Variants in KRT9 observed in about 807,000 individuals in gnomAD.
The protein encoded by KRT9 is keratin, type I cytoskeletal 9.
In KRT9, 34 loss-of-function variants were observed where a neutral mutation model predicts 51.4. The observed-to-expected ratio is 0.66, with a 90% CI of 0.50 to 0.88. The LOEUF is 0.88. KRT9 is among the 40% of genes least tolerant of loss of function. The pLI is 0.00. For synonymous variants in KRT9, 292 were observed against 289.7 expected, an observed-to-expected ratio of 1.01 and a Z score of -0.08; for missense variants, 753 against 790.3, an observed-to-expected ratio of 0.95 and a Z score of 0.57.
chr17:41,571,415 C>G lies in KRT9; in HGVS notation c.578G>C (p.Gly193Ala), dbSNP rs142413684. The G allele has an allele frequency of 5.5e-5, 89 of 1,613,958 alleles. No homozygotes were observed. Among genetic ancestry groups the G allele is most frequent in the Admixed American group, 3.3e-5 (2 of 59,986 alleles). ...GTAGTTCTTCTGGATAGCAGCAGGTCCCTTCTTGTCGTACCAATCCTGGAT... is the reference window on the plus strand; with the variant it reads ...GTAGTTCTTCTGGATAGCAGCAGGTGCCTTCTTGTCGTACCAATCCTGGAT... ...NKIQDWYDKK[G>A]PAAIQKNYSP... Residue 193 changes from glycine to alanine, a missense_variant, in exon 1 of 8, where the codon GGA becomes GCA. By Grantham distance (60) the Gly-to-Ala change is moderately conservative. This residue lies in a region of KRT9 where 507 missense variants were observed against 563.7 expected (regional missense o/e 0.90). Coordinates refer to ENST00000246662, the MANE Select transcript of KRT9 (RefSeq NM_000226.4).
At position 41,571,789 on chromosome 17, in the gene KRT9, A is replaced by G; in HGVS notation, c.204T>C (p.Ser68=). Residue 68 remains serine (S), a synonymous_variant, in exon 1 of 8, where the codon AGT becomes AGC. Transcript: ENST00000246662. ...SRVCGRGGGG[S]FGYSYGGGSG... is the part of the protein sequence containing the mutation. ...ATCCTCCGCCGTAGCTGTAGCCAAA[A>G]CTGCCACCGCCTCCCCTCCCACAGA... The G allele has an allele frequency of 6.2e-7, 1 of 1,613,296 alleles. No individual in the cohort carries two copies. The highest frequency in any genetic ancestry group is 8.5e-7 in the Non-Finnish European group (1 of 1,179,692).
Position 41,571,484 on chromosome 17 carries a change from T to C in KRT9, c.509A>G (p.Lys170Arg), listed in dbSNP as rs1907074428. 1 of 1,613,886 alleles carries C rather than the reference T, an allele frequency of 6.2e-7. No homozygotes were observed. The highest frequency in any genetic ancestry group is 1.3e-5 in the African/African-American group (1 of 74,820). ...GTTGGCCTCCTCTAGAGCCTGCACCTTATCCAAGTAAGAGGCCAGCCGAGA... is the reference window on the plus strand; with the variant it reads ...GTTGGCCTCCTCTAGAGCCTGCACCCTATCCAAGTAAGAGGCCAGCCGAGA... ...LNSRLASYLD[K>R]VQALEEANND... The change falls in exon 1 of 8, where the codon AAG becomes AGG. Residue 170 changes from lysine to arginine, a missense_variant. By Grantham distance (26) the Lys-to-Arg change is conservative. Transcript: ENST00000246662.
At position 41,567,276 on chromosome 17, in the gene KRT9, G is replaced by A. The variant is rs749243428; in HGVS notation, c.1869C>T (p.Ser623=). The change falls in exon 7 of 8, where the codon TCC becomes TCT. Residue 623 remains serine (S), a synonymous_variant. Coordinates refer to ENST00000246662, the MANE Select transcript of KRT9 (RefSeq NM_000226.4). The part of the protein sequence containing the change: ...YGGGSGKSSH[S] ...CACCAGATTTTGAGGAAGAAGACTA[G>A]GAATGGGATGATTTTCCGCTTCCTC... 55 of 1,613,934 alleles carry A rather than the reference G, an allele frequency of 3.4e-5. No individual in the cohort carries two copies. Among genetic ancestry groups the A allele is most frequent in the Middle Eastern group, 3.3e-4 (2 of 6,084 alleles).
At chr17:41,567,204 C>T in intron 7 of KRT9, 29 bp downstream of exon 7, 2 of 1,613,146 alleles carry the variant, frequency 1.2e-6, no homozygotes, top group Admixed American at 1.7e-5. Flanking sequence ...CCTTGACTCT[C>T]CACCCCACAA....
Position 41,568,024 on chromosome 17 carries a change from C to G in KRT9, c.1394+138G>C, listed in dbSNP as rs937458015. ...CCCAAATGCACTGAGGTCCCCCCGG[C>G]CCCCAGGATGAAGAAGTCCTCAACC... On this transcript the variant is annotated intron_variant, in intron 6 of 7. Coordinates refer to ENST00000246662, the MANE Select transcript of KRT9 (RefSeq NM_000226.4). 18 of 953,298 alleles carry G rather than the reference C, an allele frequency of 1.9e-5. No homozygotes were observed. The Admixed American group carries it at 2.7e-4, about 14-fold the overall frequency. The allele number at this position is 953,298 out of a possible 1,614,324, so 59.1% of individuals were successfully genotyped here.
chr17:41,567,327 C>G lies in KRT9; in HGVS notation c.1818G>C (p.Ala606=), dbSNP rs372749478. 1 of 1,614,120 alleles carries G rather than the reference C, an allele frequency of 6.2e-7. No homozygotes were observed. The highest frequency in any genetic ancestry group is 1.1e-5 in the South Asian group (1 of 91,080). ...SGGSYGGGEE[A]SGSGGGYGGG... ...CTCCGTAGCCGCCACCACTTCCACTCGCTTCTTCACCGCCTCCGTAGCTGC... is the reference window on the plus strand; with the variant it reads ...CTCCGTAGCCGCCACCACTTCCACTGGCTTCTTCACCGCCTCCGTAGCTGC... Residue 606 remains alanine, a synonymous_variant, in exon 7 of 8, where the codon GCG becomes GCC. Transcript: ENST00000246662.
In KRT9 at chr17:41,570,324, T is replaced by G. The variant is rs2144571121; in HGVS notation, c.643-104A>C. 8 of 967,272 alleles carry G rather than the reference T, an allele frequency of 8.3e-6. No homozygotes were observed. The South Asian group carries it at 1.0e-4, about 12-fold the overall frequency. The allele number at this position is 967,272 out of a possible 1,614,324, so 59.9% of individuals were successfully genotyped here. ...GAGGTGAGGATTCCATCCAGGAAGA[T>G]TCTCAAGAGGAATGAGGAACTTCCA... On this transcript the variant is annotated intron_variant, in intron 1 of 7. Transcript: ENST00000246662.
intron 7 of KRT9, 116 bp from the exon 8 acceptor site, chr17:41,566,268 G>T (rs1906871200): frequency 6.5e-6 from 1 of 153,224 alleles, no homozygotes; most frequent in South Asian, 2.1e-4. Context: ...AGAGCTCAAA[G>T]AGCTGGACAA....
rs758900874 is a variant in KRT9 at position 41,568,202 on chromosome 17, C to T, written c.1354G>A (p.Glu452Lys). 10 of 1,614,006 alleles carry T rather than the reference C, an allele frequency of 6.2e-6. No homozygotes were observed. Among genetic ancestry groups the T allele is most frequent in the Admixed American group, 5.0e-5 (3 of 60,024 alleles). ...SIKMRLEKEIETYHNLLEGGQ... is the reference protein window; with the variant it reads ...SIKMRLEKEIKTYHNLLEGGQ... ...CCCTCAAGGAGGTTGTGGTAGGTCT[C>T]GATTTCCTTCTCCAGCCGCATCTTA... The change falls in exon 6 of 8, where the codon GAG (glutamate) becomes AAG (lysine). Residue 452 changes from glutamate to lysine, a missense_variant. Glu to Lys is a moderately conservative substitution (Grantham distance 56). Transcript: ENST00000246662.
rs1045838323 is a variant in KRT9, at chr17:41,567,409, C to T, written c.1736G>A (p.Arg579Lys). The change falls in exon 7 of 8, where the codon AGG (arginine) becomes AAG (lysine). Residue 579 changes from arginine (R) to lysine (K), a missense_variant. Arg to Lys is a conservative substitution (Grantham distance 26). Coordinates refer to ENST00000246662, the MANE Select transcript of KRT9 (RefSeq NM_000226.4). ...ACCATGGCTGCCTCCACTTCCTCCC[C>T]TGGACCCACTTCCTCCACCATAGCC... The part of the protein sequence containing the change: ...GGGYGGGSGS[R>K]GGSGGSHGGG... 3 of 1,580,118 alleles carry T rather than the reference C, an allele frequency of 1.9e-6. No individual in the cohort carries two copies. The highest frequency in any genetic ancestry group is 2.7e-5 in the African/African-American group (2 of 73,956).
At chr17:41,570,809 AG>A in intron 1 of KRT9, among the ~76,000 whole-genome samples, 1 of 152,324 alleles carries the variant, frequency 6.6e-6, no homozygotes, top group Middle Eastern at 3.4e-3. Flanking sequence ...CCCTGAGGGT[AG>A]GCACTCACTG....
Position 41,568,161 on chromosome 17 carries a change from C to G in KRT9, c.1394+1G>C. ...GTTCCACCAAATCCTGGGGGACCTA[C>G]AAGTCTTCCTGGCCTCCCTCAAGGA... On this transcript the variant is annotated splice_donor_variant, in intron 6 of 7. Transcript: ENST00000246662. LOFTEE classifies it high-confidence loss of function. The G allele has an allele frequency of 6.2e-7, 1 of 1,613,226 alleles. No homozygotes were observed. Among genetic ancestry groups the G allele is most frequent in the Non-Finnish European group, 8.5e-7 (1 of 1,179,762 alleles).
chr17:41,568,749 G>A, intron 4 of KRT9, 116 bp from the exon 5 acceptor site: 1 of 1,372,792 alleles, frequency 7.3e-7, no homozygotes, highest in East Asian at 2.3e-5. Flanking sequence ...TGAAGCCAAT[G>A]ACAAGTCATT....
chr17:41,568,224 C>T lies in KRT9; in HGVS notation c.1332G>A (p.Lys444=). The change falls in exon 6 of 8, where the codon AAG becomes AAA. Residue 444 remains lysine (K), a synonymous_variant. Coordinates refer to ENST00000246662, the MANE Select transcript of KRT9 (RefSeq NM_000226.4). The part of the protein sequence containing the change: ...NQEYSLLLSI[K]MRLEKEIETY... ...TCTCGATTTCCTTCTCCAGCCGCATCTTAATGCTGAGCAGAAGGCTGTATT... is the reference window on the plus strand; with the variant it reads ...TCTCGATTTCCTTCTCCAGCCGCATTTTAATGCTGAGCAGAAGGCTGTATT... 1 of 1,614,100 alleles carries T rather than the reference C, an allele frequency of 6.2e-7. No individual in the cohort carries two copies. The highest frequency in any genetic ancestry group is 8.5e-7 in the Non-Finnish European group (1 of 1,180,026).
At chr17:41,570,702 G>A (rs1025827650) in intron 1 of KRT9, among the ~76,000 whole-genome samples, 8 of 152,190 alleles carry the variant, frequency 5.3e-5, no homozygotes, top group Admixed American at 1.3e-4. Context: ...AGACATGCAG[G>A]AGTTAAAACA....
intron 6 of KRT9, 131 bp downstream of exon 6, chr17:41,568,031 G>T: frequency 1.0e-6 from 1 of 972,074 alleles, no homozygotes; most frequent in Non-Finnish European, 1.5e-6. Flanking sequence ...CGGCCCCCAG[G>T]ATGAAGAAGT....
Position 41,568,248 on chromosome 17 carries a change from T to C in KRT9, c.1308A>G (p.Glu436=). The change falls in exon 6 of 8, where the codon GAA becomes GAG. Residue 436 remains glutamate, a synonymous_variant. Coordinates refer to ENST00000246662, the MANE Select transcript of KRT9 (RefSeq NM_000226.4). The part of the protein sequence containing the change: ...VRQEIECQNQ[E]YSLLLSIKMR... The stretch of plus-strand genomic sequence containing the variant: ...TCTTAATGCTGAGCAGAAGGCTGTA[T>C]TCCTGATTCTGGCACTCGATCTCTT... 6.2e-7 allele frequency: 1 copy of C among 1,614,148 alleles called. No individual in the cohort carries two copies. The highest frequency in any genetic ancestry group is 8.5e-7 in the Non-Finnish European group (1 of 1,180,016).
intron 7 of KRT9, among the ~76,000 whole-genome samples, chr17:41,566,598 G>T (rs1906883306): frequency 6.6e-6 from 1 of 152,144 alleles, no homozygotes; most frequent in Non-Finnish European, 1.5e-5. Context: ...TATTACCCAG[G>T]CTTTTCCTAT....
rs1907088320 is a variant in KRT9 at position 41,571,672 on chromosome 17, A to T, written c.321T>A (p.Ser107Arg). The T allele has an allele frequency of 3.1e-6, 5 of 1,604,410 alleles. No homozygotes were observed. The highest frequency in any genetic ancestry group is 4.3e-6 in the Non-Finnish European group (5 of 1,175,390). The part of the protein sequence containing the change: ...FGGASGGGYS[S>R]SGGFGGGFGG... ...CAAAGCCACCTCCAAAACCCCCAGAACTACTATAGCCTCCTCCAGAAGCAC... is the reference window on the plus strand; with the variant it reads ...CAAAGCCACCTCCAAAACCCCCAGATCTACTATAGCCTCCTCCAGAAGCAC... The change falls in exon 1 of 8, where the codon AGT (serine) becomes AGA (arginine). Residue 107 changes from serine (S) to arginine (R), a missense_variant. Transcript: ENST00000246662.
Sources: gnomAD v4.1 joint callset for allele counts (sites outside exome capture counted in the v4.1 genomes callset) on GRCh38, gnomAD v4.1.1 for gene constraint, gnomAD v4.1.1 regional missense constraint, MANE v1.5 for transcripts, NCBI Gene and HGNC (gene_info 2026-07-23, HGNC 2026-07-21) for gene names.